ECE2: variants seen among roughly 807,000 people sequenced by gnomAD.
ECE2 encodes the protein endothelin converting enzyme 2.
ECE2 carries 81 observed loss-of-function variants against 100.6 expected under a neutral mutation model. That is an observed-to-expected ratio of 0.81 (90% CI 0.67 to 0.97). The LOEUF is 0.97. Among genes scored for constraint, ECE2 ranks in the 50% least tolerant of loss-of-function variants. ECE2 has a pLI of 0.00. For synonymous variants in ECE2, 391 were observed against 391.5 expected (o/e 1.00, Z 0.02); for missense variants, 911 against 988.1 (o/e 0.92, Z 1.05).
In ECE2 at chr3:184,283,956, A is replaced by G; in HGVS notation, c.988A>G (p.Ser330Gly). The change falls in exon 8 of 19, where the codon AGC becomes GGC. Residue 330 changes from serine to glycine, a missense_variant. Ser to Gly is a moderately conservative substitution (Grantham distance 56). Coordinates refer to ENST00000404464, the MANE Select transcript of ECE2 (RefSeq NM_001100121.2). ...RDEEKIYHKM[S>G]ISELQALAPS... ...CGAGGAGAAGATCTACCACAAGATGAGCATTTCGGAGCTGCAGGTGGGGCA... is the reference window on the plus strand; with the variant it reads ...CGAGGAGAAGATCTACCACAAGATGGGCATTTCGGAGCTGCAGGTGGGGCA... 6.2e-7 allele frequency: 1 copy of G among 1,613,850 alleles called. No individual in the cohort carries two copies. Among genetic ancestry groups the G allele is most frequent in the South Asian group, 1.1e-5 (1 of 91,060 alleles).
rs1409352917 is a variant in ECE2, at chr3:184,276,165, G to T, written c.12G>T (p.Ala4=). The change falls in exon 1 of 19, where the codon GCG becomes GCT. Residue 4 remains alanine, a synonymous_variant. Coordinates refer to ENST00000404464, the MANE Select transcript of ECE2 (RefSeq NM_001100121.2). ...GGCCCGACTCCACCATGAACGTCGC[G>T]CTGCAGGAGCTGGGAGCTGGCAGCA... The part of the protein sequence containing the change: MNV[A]LQELGAGSNM... The T allele has an allele frequency of 2.1e-6, 3 of 1,433,400 alleles. No homozygotes were observed. The highest frequency in any genetic ancestry group is 2.5e-4 in the Middle Eastern group (1 of 3,980). 88.8% of individuals were successfully genotyped at this position (1,433,400 alleles called of 1,614,324 possible).
chr3:184,289,395 A>C lies in ECE2; in HGVS notation c.1375-42A>C, dbSNP rs1560187554. The C allele has an allele frequency of 6.5e-7, 1 of 1,550,368 alleles. No homozygotes were observed. The highest frequency in any genetic ancestry group is 1.2e-5 in the South Asian group (1 of 84,842). On this transcript the variant is annotated intron_variant, in intron 11 of 18. Coordinates refer to ENST00000404464, the MANE Select transcript of ECE2 (RefSeq NM_001100121.2). The surrounding 1 kb of genome is among the most constrained non-coding windows in gnomAD (Gnocchi z 4.1). ...GGGTGGATGGGTGGGGCAGGGATGC[A>C]TTCAGTGCAGGGGAAGGCTGACTTT... is the stretch of plus-strand genomic sequence containing the variant.
chr3:184,287,772 G>C (rs983425097), intron 10 of ECE2, 65 bp from the exon 11 acceptor site: 2 of 1,457,206 alleles, frequency 1.4e-6, no homozygotes, highest in Non-Finnish European at 9.6e-7. Flanking sequence ...CCCAGTGACA[G>C]AGAAAGGCCC....
intron 7 of ECE2, among the ~76,000 whole-genome samples, chr3:184,281,526 C>T (rs577812891): frequency 6.6e-6 from 1 of 152,318 alleles, no homozygotes; most frequent in African/African-American, 2.4e-5. Context: ...TAGCCTCACA[C>T]TATGCAGGAG....
rs144233975 is a variant in ECE2, at chr3:184,289,319, T to C, written c.1375-118T>C. 60 of 859,100 alleles carry C rather than the reference T, an allele frequency of 7.0e-5. No individual in the cohort carries two copies. Among genetic ancestry groups the C allele is most frequent in the Non-Finnish European group, 1.1e-4 (59 of 538,286 alleles). The allele number at this position is 859,100 out of a possible 1,614,324, so 53.2% of individuals were successfully genotyped here. A position where few individuals can be genotyped will look rare whatever the true frequency, so the allele number is the denominator to read the frequency against. On this transcript the variant is annotated intron_variant, in intron 11 of 18. Coordinates refer to ENST00000404464, the MANE Select transcript of ECE2 (RefSeq NM_001100121.2). The surrounding 1 kb of genome is among the most constrained non-coding windows in gnomAD (Gnocchi z 4.1). The stretch of plus-strand genomic sequence containing the variant: ...GTCTCCAGGTGCTCAGCCGTATTTC[T>C]TTAGTCTAGACGTTCCCATTTCCCC...
chr3:184,276,497 G>A lies in ECE2; in HGVS notation c.56G>A (p.Arg19Gln), dbSNP rs201916543. 4.7e-5 allele frequency: 76 copies of A among 1,610,262 alleles called. No individual in the cohort carries two copies. In the East Asian group the frequency reaches 1.3e-3, roughly 28 times the overall value. The change falls in exon 2 of 19, where the codon CGG (arginine) becomes CAG (glutamine). Residue 19 changes from arginine to glutamine, a missense_variant. Coordinates refer to ENST00000404464, the MANE Select transcript of ECE2 (RefSeq NM_001100121.2). ...GAGSNMVEYK[R>Q]ATLRDEDAPE... ...GTCTGGCAGATGGTGGAGTACAAAC[G>A]GGCCACGCTTCGGGATGAAGACGCA...
chr3:184,282,224 C>T (rs778040221), intron 7 of ECE2, among the ~76,000 whole-genome samples: 1 of 152,140 alleles, frequency 6.6e-6, no homozygotes, highest in Non-Finnish European at 1.5e-5. Context: ...TTTAGCTAAC[C>T]ATCCCCCTCA....
In ECE2 at chr3:184,291,111, C is replaced by T. The variant is rs1721290535; in HGVS notation, c.1906C>T (p.His636Tyr). Residue 636 changes from histidine (H) to tyrosine (Y), a missense_variant, in exon 17 of 19, where the codon CAC becomes TAC. By Grantham distance (83) the His-to-Tyr change is moderately conservative (BLOSUM62 2). Transcript: ENST00000404464. This position sits in a 1 kb window ranked among gnomAD's most constrained non-coding sequence, Gnocchi z 4.1. ...TGAGTCCCTGGCAGCCTTCCGGAAC[C>T]ACACGGCCTGCATGGAGGAACAGTA... is the stretch of plus-strand genomic sequence containing the variant. ...QNESLAAFRN[H>Y]TACMEEQYNQ... 1 of 1,609,070 alleles carries T rather than the reference C, an allele frequency of 6.2e-7. No individual in the cohort carries two copies. The highest frequency in any genetic ancestry group is 1.1e-5 in the South Asian group (1 of 90,484).
At chr3:184,284,014 G>A in intron 8 of ECE2, 41 bp downstream of exon 8, 1 of 1,605,842 alleles carries the variant, frequency 6.2e-7, no homozygotes, top group Non-Finnish European at 8.5e-7. Context: ...AGAGGGGCCA[G>A]CCTTGGCATG....
intron 7 of ECE2, among the ~76,000 whole-genome samples, chr3:184,282,823 G>A (rs1283697498): frequency 6.6e-6 from 1 of 152,192 alleles, no homozygotes; most frequent in Admixed American, 6.5e-5. Context: ...GCTGTGTGGG[G>A]AGGAAAAGAT....
chr3:184,290,110 TA>T, intron 13 of ECE2, 144 bp from the exon 14 acceptor site: 1 of 680,040 alleles, frequency 1.5e-6, no homozygotes, highest in South Asian at 2.0e-5. Flanking sequence ...AAATGGCCTT[TA>T]AATATTGCCA....
chr3:184,286,020 T>C (rs1008867167), intron 10 of ECE2, among the ~76,000 whole-genome samples: 1 of 152,148 alleles, frequency 6.6e-6, no homozygotes, highest in Non-Finnish European at 1.5e-5. Flanking sequence ...TTATATTTTG[T>C]GGTGATAACT....
In ECE2 at chr3:184,291,321, G is replaced by C. The variant is rs760368383; in HGVS notation, c.2026-23G>C. 1.3e-6 allele frequency: 2 copies of C among 1,593,170 alleles called. No individual in the cohort carries two copies. The highest frequency in any genetic ancestry group is 8.6e-7 in the Non-Finnish European group (1 of 1,168,042). The stretch of plus-strand genomic sequence containing the variant: ...GGTGGGGGCAGGCCTGGATGGGCTT[G>C]TTGCCCACTGTTCTGTCCCCAGGCT... On this transcript the variant is annotated intron_variant, in intron 17 of 18. Coordinates refer to ENST00000404464, the MANE Select transcript of ECE2 (RefSeq NM_001100121.2). The surrounding 1 kb of genome is among the most constrained non-coding windows in gnomAD (Gnocchi z 4.1).
intron 14 of ECE2, 67 bp downstream of exon 14, chr3:184,290,425 G>C: frequency 6.4e-7 from 1 of 1,572,254 alleles, no homozygotes; most frequent in South Asian, 1.1e-5. Flanking sequence ...TTCCTGGGAT[G>C]GGGGAAAAGG....
intron 7 of ECE2, 79 bp downstream of exon 7, chr3:184,278,636 G>C: frequency 6.6e-7 from 1 of 1,523,432 alleles, no homozygotes; most frequent in Non-Finnish European, 9.1e-7. Context: ...CCTTTGCCAA[G>C]GGTCAGAGCA....
rs754312859 is a variant in ECE2, at chr3:184,291,069, C to T, written c.1864C>T (p.Arg622Trp). 1.5e-5 allele frequency: 23 copies of T among 1,580,168 alleles called. No individual in the cohort carries two copies. The highest frequency in any genetic ancestry group is 3.6e-5 in the Admixed American group (2 of 55,600). Residue 622 changes from arginine (R) to tryptophan (W), a missense_variant, in exon 17 of 19, where the codon CGG becomes TGG. Coordinates refer to ENST00000404464, the MANE Select transcript of ECE2 (RefSeq NM_001100121.2). This position sits in a 1 kb window ranked among gnomAD's most constrained non-coding sequence, Gnocchi z 4.1. The part of the protein sequence containing the change: ...GREYDKEGNL[R>W]PWWQNESLAA... Reference sequence around the variant, plus strand: ...CGAGTATGACAAAGAAGGGAACCTGCGGCCCTGGTGGCAGAATGAGTCCCT... The same window carrying T: ...CGAGTATGACAAAGAAGGGAACCTGTGGCCCTGGTGGCAGAATGAGTCCCT...
intron 10 of ECE2, among the ~76,000 whole-genome samples, chr3:184,286,796 T>TAAAAAAAAA: frequency 8.2e-6 from 1 of 121,930 alleles, no homozygotes; most frequent in South Asian, 2.7e-4. Context: ...AAACTCTGTT[T>TAAAAAAAAA]AAAAAAAAAA....
Position 184,290,140 on chromosome 3 carries a change from T to A in ECE2, c.1552-115T>A, listed in dbSNP as rs911219816. The A allele has an allele frequency of 7.5e-6, 6 of 798,854 alleles. No individual in the cohort carries two copies. In the African/African-American group the frequency reaches 1.0e-4, roughly 14 times the overall value. The allele number at this position is 798,854 out of a possible 1,614,324, so 49.5% of individuals were successfully genotyped here. Reference sequence around the variant, plus strand: ...ATTGCCAATTATGGTTTACTAGATATTTTACAGTTGAGGAAACTGAGGTTT... The same window carrying A: ...ATTGCCAATTATGGTTTACTAGATAATTTACAGTTGAGGAAACTGAGGTTT... On this transcript the variant is annotated intron_variant, in intron 13 of 18. Transcript: ENST00000404464.
At chr3:184,280,035 T>C (rs979619425) in intron 7 of ECE2, among the ~76,000 whole-genome samples, 1 of 152,038 alleles carries the variant, frequency 6.6e-6, no homozygotes, top group East Asian at 1.9e-4. Context: ...GTAAGCGATA[T>C]CATCAAGTCA....
Sources: allele counts gnomAD v4.1 joint callset (sites outside exome capture counted in the v4.1 genomes callset), GRCh38; gene constraint gnomAD v4.1.1; non-coding constraint Gnocchi (gnomAD v3.1); transcripts MANE v1.5; gene names NCBI Gene and HGNC (gene_info 2026-07-23, HGNC 2026-07-21).